Variants in IGSF21 observed in about 807,000 individuals in gnomAD.
The protein encoded by IGSF21 is immunoglobin superfamily member 21, also known as immunoglobulin superfamily member 21.
A neutral mutation model predicts 46.8 loss-of-function variants in IGSF21; 28 were observed. The observed-to-expected ratio is 0.60, with a 90% confidence interval of 0.44 to 0.82. IGSF21 has a LOEUF of 0.82. Ranked by LOEUF, IGSF21 falls within the 40% of genes least tolerant of loss-of-function variation. The pLI, the probability that IGSF21 is intolerant of heterozygous loss-of-function variation, is 0.00. For synonymous variants in IGSF21, 284 were observed against 273.6 expected (o/e 1.04, Z -0.38); for missense variants, 624 against 665.5 (o/e 0.94, Z 0.69).
At position 18,368,640 on chromosome 1, in the gene IGSF21, C is replaced by G. The variant is rs547286425; in HGVS notation, c.1015+2943C>G. Among the ~76,000 whole-genome samples the G allele has an allele frequency of 3.2e-4, 48 of 152,250 alleles. 1 individual carries two copies. The South Asian group carries it at 1.0e-2, about 32-fold the overall frequency. ...CCCCTCTCTTGGTCCTCCTGCTTTT[C>G]CAGCCCTTCACTCCTCTCTCTGGAC... On this transcript the variant is annotated intron_variant, in intron 6 of 9. Coordinates refer to ENST00000251296, the MANE Select transcript of IGSF21 (RefSeq NM_032880.5).
At chr1:18,243,051 G>C (rs1194858520) in intron 2 of IGSF21, among the ~76,000 whole-genome samples, 1 of 152,192 alleles carries the variant, frequency 6.6e-6, no homozygotes, top group East Asian at 1.9e-4. Context: ...GGGGAGGCAG[G>C]AGGAGGAGGC....
rs537403303 is a variant in IGSF21, at chr1:18,167,092, G to A, written c.70+58894G>A. The A allele has an allele frequency of 2.0e-5, 3 of 152,930 alleles. No individual in the cohort carries two copies. In the South Asian group the frequency reaches 6.2e-4, roughly 32 times the overall value. The allele number at this position is 152,930 out of a possible 1,614,324, so 9.5% of individuals were successfully genotyped here. A position where few individuals can be genotyped will look rare whatever the true frequency, so the allele number is the denominator to read the frequency against. On this transcript the variant is annotated intron_variant, in intron 1 of 9. Transcript: ENST00000251296. ...GTGAGGCCACAAGTGCTTGCAGAGG[G>A]AAGGGGCACGGGGTGAGCAGATGAT...
Position 18,214,818 on chromosome 1 carries a change from A to C in IGSF21, c.71-13080A>C, listed in dbSNP as rs185617297. ...GAGTACAGTGGCGTGATCTCAGCTT[A>C]CTGCAACTTTGCCTCCCGGGTTCAA... is the stretch of plus-strand genomic sequence containing the variant. On this transcript the variant is annotated intron_variant, in intron 1 of 9. Coordinates refer to ENST00000251296, the MANE Select transcript of IGSF21 (RefSeq NM_032880.5). 2.0e-5 allele frequency among the ~76,000 whole-genome samples: 3 copies of C among 152,278 alleles called. No individual in the cohort carries two copies. In the East Asian group the frequency reaches 5.8e-4, roughly 29 times the overall value.
chr1:18,143,236 G>T (rs560361530), intron 1 of IGSF21, among the ~76,000 whole-genome samples: 1 of 152,080 alleles, frequency 6.6e-6, no homozygotes, highest in Non-Finnish European at 1.5e-5. Flanking sequence ...CCCTTCTGTC[G>T]GGCCTGGGCT....
chr1:18,377,357 C>T lies in IGSF21; in HGVS notation c.1295-36C>T, dbSNP rs746166347. ...TCCTTCCCTGAGCTCTGAAGGCCATCCACCCTTTGGTTCTCTTTCTGTTTC... is the reference window on the plus strand; with the variant it reads ...TCCTTCCCTGAGCTCTGAAGGCCATTCACCCTTTGGTTCTCTTTCTGTTTC... On this transcript the variant is annotated intron_variant, in intron 8 of 9. Transcript: ENST00000251296. 1.7e-5 allele frequency: 28 copies of T among 1,600,532 alleles called. 1 individual carries two copies. The highest frequency in any genetic ancestry group is 3.3e-4 in the Middle Eastern group (2 of 6,038).
intron 4 of IGSF21, among the ~76,000 whole-genome samples, chr1:18,336,699 C>T (rs376443508): frequency 2.6e-5 from 4 of 152,210 alleles, no homozygotes. Flanking sequence ...GAACCCTGAG[C>T]AGGTTATTCT....
chr1:18,342,434 C>T (rs192915416), intron 4 of IGSF21, among the ~76,000 whole-genome samples: 6 of 152,270 alleles, frequency 3.9e-5, no homozygotes, highest in African/African-American at 1.4e-4. Flanking sequence ...AGATACAATT[C>T]CTATAACATG....
intron 2 of IGSF21, among the ~76,000 whole-genome samples, chr1:18,233,898 T>C (rs2124511798): frequency 6.6e-6 from 1 of 152,318 alleles, no homozygotes; most frequent in Admixed American, 6.5e-5. Flanking sequence ...TATTTCAAAA[T>C]GGCTTTACTA....
intron 2 of IGSF21, among the ~76,000 whole-genome samples, chr1:18,237,927 T>G (rs145726641): frequency 0.027 from 4,061 of 152,226 alleles, 80 homozygotes; most frequent in Middle Eastern, 0.048. Flanking sequence ...GCTCTAGCCC[T>G]TCATTTATGA....
At chr1:18,129,115 G>T (rs2086297163) in intron 1 of IGSF21, among the ~76,000 whole-genome samples, 2 of 152,210 alleles carry the variant, frequency 1.3e-5, no homozygotes. Context: ...TCAGTGCTAT[G>T]AATCGATACT....
At chr1:18,230,765 G>A (rs1419018910) in intron 2 of IGSF21, among the ~76,000 whole-genome samples, 7 of 152,038 alleles carry the variant, frequency 4.6e-5, no homozygotes, top group Non-Finnish European at 8.8e-5. Context: ...CAAGATGGGG[G>A]CTCCAGGAGT....
chr1:18,238,031 T>C (rs2124515289), intron 2 of IGSF21, among the ~76,000 whole-genome samples: 1 of 152,004 alleles, frequency 6.6e-6, no homozygotes, highest in East Asian at 1.9e-4. Flanking sequence ...CCAGAAAATA[T>C]GCCTAATATG....
At chr1:18,194,857 G>A (rs975223310) in intron 1 of IGSF21, among the ~76,000 whole-genome samples, 3 of 152,236 alleles carry the variant, frequency 2.0e-5, no homozygotes, top group African/African-American at 7.2e-5. Context: ...AATTTATAAA[G>A]AAAGGAGGTT....
chr1:18,280,893 G>T (rs2085152414), intron 2 of IGSF21, among the ~76,000 whole-genome samples: 1 of 152,156 alleles, frequency 6.6e-6, no homozygotes. Context: ...AGGGCTCAGG[G>T]TCCCCTTCTG....
intron 2 of IGSF21, among the ~76,000 whole-genome samples, chr1:18,284,517 C>T (rs1455837943): frequency 6.6e-6 from 1 of 152,214 alleles, no homozygotes; most frequent in Non-Finnish European, 1.5e-5. Context: ...TTGCATTTTG[C>T]AAGATGCTTT....
intron 2 of IGSF21, among the ~76,000 whole-genome samples, chr1:18,245,784 T>C (rs2084777944): frequency 6.6e-6 from 1 of 152,156 alleles, no homozygotes; most frequent in African/African-American, 2.4e-5. Flanking sequence ...GAGTACCCTC[T>C]TCAGCTGGAA....
intron 3 of IGSF21, among the ~76,000 whole-genome samples, chr1:18,326,151 C>T (rs2085656027): frequency 6.6e-6 from 1 of 152,142 alleles, no homozygotes; most frequent in Non-Finnish European, 1.5e-5. Context: ...TTTATTAGCT[C>T]TGCCTCACGG....
chr1:18,251,557 T>G (rs565108420), intron 2 of IGSF21, among the ~76,000 whole-genome samples: 22 of 152,248 alleles, frequency 1.4e-4, no homozygotes, highest in African/African-American at 5.3e-4. Context: ...GTCATGTGGA[T>G]TGCTCTTATG....
chr1:18,289,845 G>A (rs2124563818), intron 2 of IGSF21, among the ~76,000 whole-genome samples: 1 of 152,320 alleles, frequency 6.6e-6, no homozygotes, highest in Admixed American at 6.5e-5. Context: ...CCCCCCAAGT[G>A]AAAAGGCCCT....
Sources: allele counts gnomAD v4.1 joint callset (sites outside exome capture counted in the v4.1 genomes callset), GRCh38; gene constraint gnomAD v4.1.1; transcripts MANE v1.5; gene names NCBI Gene and HGNC (gene_info 2026-07-23, HGNC 2026-07-21).